GNG7: variants seen among roughly 807,000 people sequenced by gnomAD.
GNG7 encodes G protein subunit gamma 7, also known as guanine nucleotide-binding protein G(I)/G(S)/G(O) subunit gamma-7.
Under a neutral mutation model 4.0 loss-of-function variants are expected in GNG7, and 1 was observed. That is an observed-to-expected ratio of 0.25 (90% CI 0.09 to 1.18). The LOEUF (loss-of-function observed/expected upper bound fraction) is 1.18. Ranked by LOEUF, GNG7 falls within the 50% of genes most tolerant of loss-of-function variation. The pLI is 0.50. For synonymous variants in GNG7, 34 were observed against 36.9 expected (o/e 0.92, Z 0.29); for missense variants, 86 against 91.9 (o/e 0.94, Z 0.26).
chr19:2,617,887 T>C lies in GNG7; in HGVS notation c.-78+28337A>G, dbSNP rs1224991413. On this transcript the variant is annotated intron_variant, in intron 2 of 4. Coordinates refer to ENST00000382159, the MANE Select transcript of GNG7 (RefSeq NM_052847.3). This position sits in a 1 kb window ranked among gnomAD's most constrained non-coding sequence, Gnocchi z 4.7. Reference sequence around the variant, plus strand: ...GTGTGCACCACCATGCCCGGCTAATTTTTTAAATGTTTTGTAGAGATACGG... The same window carrying C: ...GTGTGCACCACCATGCCCGGCTAATCTTTTAAATGTTTTGTAGAGATACGG... Among the ~76,000 whole-genome samples the C allele has an allele frequency of 1.3e-5, 2 of 152,016 alleles. No homozygotes were observed. The highest frequency in any genetic ancestry group is 2.9e-5 in the Non-Finnish European group (2 of 67,986).
chr19:2,693,427 A>G (rs188292396), intron 1 of GNG7, among the ~76,000 whole-genome samples: 4 of 151,856 alleles, frequency 2.6e-5, no homozygotes, highest in Non-Finnish European at 5.9e-5. Flanking sequence ...AAAAAAAAAA[A>G]AAAGAAAGAA....
chr19:2,653,725 T>A lies in GNG7; in HGVS notation c.-134-7445A>T, dbSNP rs1982889788. Among the ~76,000 whole-genome samples, 1 of 152,090 alleles carries A rather than the reference T, an allele frequency of 6.6e-6. No individual in the cohort carries two copies. Among genetic ancestry groups the A allele is most frequent in the Admixed American group, 6.5e-5 (1 of 15,272 alleles). On this transcript the variant is annotated intron_variant, in intron 1 of 4. Transcript: ENST00000382159. This position sits in a 1 kb window ranked among gnomAD's most constrained non-coding sequence, Gnocchi z 4.8. ...CTAGAGCTGTTCCGTTGCCTTGAAT[T>A]TCTGCCCTCTGGCCTCCCCTGTCCT...
chr19:2,534,143 A>G (rs1978669804), intron 3 of GNG7, among the ~76,000 whole-genome samples: 1 of 152,234 alleles, frequency 6.6e-6, no homozygotes, highest in Non-Finnish European at 1.5e-5. Context: ...AAATATATAT[A>G]CATCCTCATC....
At chr19:2,574,386 G>C (rs1980244319) in intron 2 of GNG7, among the ~76,000 whole-genome samples, 1 of 151,886 alleles carries the variant, frequency 6.6e-6, no homozygotes, top group Non-Finnish European at 1.5e-5. Context: ...CTCACTCCCT[G>C]TCCCCCTCCC....
chr19:2,608,736 G>A (rs143870844), intron 2 of GNG7, among the ~76,000 whole-genome samples: 5 of 152,240 alleles, frequency 3.3e-5, no homozygotes, highest in South Asian at 4.1e-4. Flanking sequence ...ACACTCTCCC[G>A]GGGTCTGCAC....
intron 2 of GNG7, among the ~76,000 whole-genome samples, chr19:2,621,768 G>C (rs141810866): frequency 3.9e-4 from 60 of 152,248 alleles, no homozygotes; most frequent in African/African-American, 1.4e-3. Context: ...CAGAAGCAGA[G>C]ACTGGAGCAA....
chr19:2,514,798 T>C lies in GNG7; in HGVS notation c.*224A>G. 2.3e-6 allele frequency: 1 copy of C among 443,086 alleles called. No individual in the cohort carries two copies. Among genetic ancestry groups the C allele is most frequent in the South Asian group, 2.9e-5 (1 of 34,732 alleles). 27.4% of individuals were successfully genotyped at this position (443,086 alleles called of 1,614,324 possible). On this transcript the variant is annotated 3_prime_UTR_variant, in exon 5 of 5. Transcript: ENST00000382159. ...ACTGAGAGGGCCATGGGGTCGGACC[T>C]GAAAATTCATCTCCACCTACAAGGT...
Position 2,520,671 on chromosome 19 carries a change from G to A in GNG7, c.18C>T (p.Asn6=), listed in dbSNP as rs1978303369. 1.9e-6 allele frequency: 3 copies of A among 1,546,562 alleles called. No homozygotes were observed. The highest frequency in any genetic ancestry group is 2.7e-5 in the African/African-American group (2 of 73,240). MSATN[N]IAQARKLVEQ... ...CCACCAGCTTCCGGGCCTGGGCTAT[G>A]TTGTTAGTGGCTGACATTGTCTGCC... Residue 6 remains asparagine (N), a synonymous_variant, in exon 4 of 5, where the codon AAC becomes AAT. Transcript: ENST00000382159.
At chr19:2,625,191 C>T (rs1466555196) in intron 2 of GNG7, among the ~76,000 whole-genome samples, 2 of 152,174 alleles carry the variant, frequency 1.3e-5, no homozygotes, top group Non-Finnish European at 2.9e-5. Flanking sequence ...GCCTCAGCCT[C>T]CCGAATAGCT....
At chr19:2,551,443 C>T (rs1423701817) in intron 3 of GNG7, among the ~76,000 whole-genome samples, 1 of 151,746 alleles carries the variant, frequency 6.6e-6, no homozygotes, top group Non-Finnish European at 1.5e-5. Context: ...GCGGCACTCA[C>T]CTTGGGGGCA....
At chr19:2,523,806 G>A (rs998623049) in intron 3 of GNG7, among the ~76,000 whole-genome samples, 5 of 152,086 alleles carry the variant, frequency 3.3e-5, no homozygotes, top group South Asian at 2.1e-4. Flanking sequence ...GTGACTCCAC[G>A]GCGATCTCAA....
chr19:2,554,568 T>A (rs1280108415), intron 3 of GNG7, among the ~76,000 whole-genome samples: 2 of 148,960 alleles, frequency 1.3e-5, no homozygotes, highest in African/African-American at 4.9e-5. Flanking sequence ...TATTTTTTTT[T>A]TTTTGAGACA....
At chr19:2,624,181 T>C (rs1310290450) in intron 2 of GNG7, among the ~76,000 whole-genome samples, 4 of 152,002 alleles carry the variant, frequency 2.6e-5, no homozygotes, top group African/African-American at 9.7e-5. Context: ...ACTGAGCCCT[T>C]AGAAATGGCT....
chr19:2,639,603 A>G, intron 2 of GNG7, among the ~76,000 whole-genome samples: 1 of 9,694 alleles, frequency 1.0e-4, no homozygotes, highest in South Asian at 5.4e-3. Context: ...GCAGGCACAG[A>G]GCTCAGCAGC....
At chr19:2,638,383 G>C (rs1336340931) in intron 2 of GNG7, among the ~76,000 whole-genome samples, 1 of 133,578 alleles carries the variant, frequency 7.5e-6, no homozygotes, top group Non-Finnish European at 1.6e-5. Flanking sequence ...AAAAGAAAAG[G>C]GGAAGAGAAG....
At position 2,633,495 on chromosome 19, in the gene GNG7, A is replaced by ACGCGCGCGCG. The variant is rs1373633322; in HGVS notation, c.-78+12728_-78+12729insCGCGCGCGCG. ...GGCGCGCGCGCGCGCGCGCACACAC[A>ACGCGCGCGCG]CACACACACACACACACACACACAC... is the stretch of plus-strand genomic sequence containing the variant. On this transcript the variant is annotated intron_variant, in intron 2 of 4. Transcript: ENST00000382159. This position sits in a 1 kb window ranked among gnomAD's most constrained non-coding sequence, Gnocchi z 5.9. 8.7e-6 allele frequency among the ~76,000 whole-genome samples: 1 copy of ACGCGCGCGCG among 114,436 alleles called. No individual in the cohort carries two copies. The highest frequency in any genetic ancestry group is 3.6e-5 in the African/African-American group (1 of 27,456). The allele number at this position is 114,436 out of a possible 152,430, so 75.1% of individuals were successfully genotyped here.
chr19:2,575,056 T>C (rs2144784636), intron 2 of GNG7, among the ~76,000 whole-genome samples: 1 of 151,738 alleles, frequency 6.6e-6, no homozygotes, highest in Admixed American at 6.6e-5. Flanking sequence ...TCTCTCTTTC[T>C]TTTTTCTTTT....
At chr19:2,553,852 T>C (rs1347803627) in intron 3 of GNG7, among the ~76,000 whole-genome samples, 4 of 140,234 alleles carry the variant, frequency 2.9e-5, no homozygotes, top group East Asian at 2.1e-4. Flanking sequence ...TGCATACATG[T>C]ACATATTATA....
In GNG7 at chr19:2,676,567, A is replaced by G. The variant is rs528481390; in HGVS notation, c.-135+26079T>C. Among the ~76,000 whole-genome samples, 7 of 152,092 alleles carry G rather than the reference A, an allele frequency of 4.6e-5. No individual in the cohort carries two copies. In the South Asian group the frequency reaches 1.5e-3, roughly 32 times the overall value. Reference sequence around the variant, plus strand: ...ACTGGGACCACAGGCGCGCACCATCATGCTTGCCTAATTTTTGTTTTCGCT... The same window carrying G: ...ACTGGGACCACAGGCGCGCACCATCGTGCTTGCCTAATTTTTGTTTTCGCT... On this transcript the variant is annotated intron_variant, in intron 1 of 4. Coordinates refer to ENST00000382159, the MANE Select transcript of GNG7 (RefSeq NM_052847.3).
Sources: allele counts gnomAD v4.1 joint callset (sites outside exome capture counted in the v4.1 genomes callset), GRCh38; gene constraint gnomAD v4.1.1; non-coding constraint Gnocchi (gnomAD v3.1); transcripts MANE v1.5; gene names NCBI Gene and HGNC (gene_info 2026-07-23, HGNC 2026-07-21).